Variants in MAGI2 observed in about 807,000 individuals in gnomAD.
MAGI2 encodes the protein membrane-associated guanylate kinase, WW and PDZ domain-containing protein 2.
Under a neutral mutation model 133.3 loss-of-function variants are expected in MAGI2, and 35 were observed. The ratio of observed to expected loss-of-function variants is 0.26; its 90% CI spans 0.20 to 0.35. The LOEUF (loss-of-function observed/expected upper bound fraction) is 0.35. Ranked by LOEUF, MAGI2 falls within the 10% of genes least tolerant of loss-of-function variation. The pLI, the probability that MAGI2 is intolerant of heterozygous loss-of-function variation, is 1.00. For missense variants in MAGI2, 1,636 were observed against 1,863.4 expected (o/e 0.88, Z 2.25); for synonymous variants, 729 against 710.6 (o/e 1.03, Z -0.41).
intron 1 of MAGI2, among the ~76,000 whole-genome samples, chr7:79,280,119 A>T (rs1251788789): frequency 6.6e-6 from 1 of 152,196 alleles, no homozygotes; most frequent in Non-Finnish European, 1.5e-5. Context: ...GGATGTTCAA[A>T]AATATAATAA....
At chr7:78,842,006 C>T (rs774866525) in intron 2 of MAGI2, among the ~76,000 whole-genome samples, 4 of 151,902 alleles carry the variant, frequency 2.6e-5, no homozygotes, top group African/African-American at 7.3e-5. Context: ...GATGAGCATA[C>T]GGCATATCAT....
chr7:78,337,594 A>C (rs1331793741), intron 9 of MAGI2, among the ~76,000 whole-genome samples: 2 of 152,224 alleles, frequency 1.3e-5, no homozygotes, highest in Non-Finnish European at 2.9e-5. Context: ...TTCAATGTCA[A>C]ATGAGACTGC....
intron 2 of MAGI2, among the ~76,000 whole-genome samples, chr7:78,676,797 G>A (rs750298986): frequency 2.0e-5 from 3 of 152,012 alleles, no homozygotes; most frequent in Admixed American, 2.0e-4. Context: ...TAGCATCAAT[G>A]CATTTTAATT....
intron 6 of MAGI2, among the ~76,000 whole-genome samples, chr7:78,372,189 C>T (rs1186451121): frequency 6.6e-6 from 1 of 152,040 alleles, no homozygotes; most frequent in Non-Finnish European, 1.5e-5. Context: ...AATGAAAAAA[C>T]ACAACTTTCA....
chr7:78,660,005 A>G (rs1017468981), intron 2 of MAGI2, among the ~76,000 whole-genome samples: 8 of 152,102 alleles, frequency 5.3e-5, no homozygotes, highest in Admixed American at 2.6e-4. Context: ...CATCATTCTC[A>G]GCAAACTATT....
intron 3 of MAGI2, among the ~76,000 whole-genome samples, chr7:78,529,934 G>A (rs1274199491): frequency 1.3e-5 from 2 of 151,716 alleles, no homozygotes; most frequent in Admixed American, 6.6e-5. Context: ...AAAAGTTACT[G>A]TAATATTTTA....
intron 2 of MAGI2, among the ~76,000 whole-genome samples, chr7:78,965,762 A>G (rs1210616313): frequency 6.6e-6 from 1 of 152,070 alleles, no homozygotes; most frequent in African/African-American, 2.4e-5. Context: ...CAATGATTCA[A>G]CCTGATTATT....
intron 9 of MAGI2, among the ~76,000 whole-genome samples, chr7:78,279,469 A>AGAGT (rs1795347866): frequency 6.6e-6 from 1 of 152,156 alleles, no homozygotes; most frequent in African/African-American, 2.4e-5. Flanking sequence ...AGTCAGGAAG[A>AGAGT]GAGTGAGTCC....
At position 78,599,781 on chromosome 7, in the gene MAGI2, C is replaced by G. The variant is rs538062808; in HGVS notation, c.538+27339G>C. On this transcript the variant is annotated intron_variant, in intron 3 of 21. Coordinates refer to ENST00000354212, the MANE Select transcript of MAGI2 (RefSeq NM_012301.4). ...TCTTGAGTCCTTCCCCAGCAAGGTA[C>G]TAGGGACGTGCCCAGAATGGTCAGG... is the stretch of plus-strand genomic sequence containing the variant. Among the ~76,000 whole-genome samples the G allele has an allele frequency of 6.1e-4, 93 of 152,284 alleles. 1 individual carries two copies. Among genetic ancestry groups the G allele is most frequent in the African/African-American group, 2.2e-3 (91 of 41,560 alleles).
Position 79,142,280 on chromosome 7 carries a change from TG to T in MAGI2, c.302-135075del, listed in dbSNP as rs569909035. Reference sequence around the variant, plus strand: ...TGATTGGTTCATGTTTTTACACCAGTGACTGTTACAATATCCCCTCTAATTA... The same window carrying T: ...TGATTGGTTCATGTTTTTACACCAGTACTGTTACAATATCCCCTCTAATTA... On this transcript the variant is annotated intron_variant, in intron 1 of 21. Transcript: ENST00000354212. Among the ~76,000 whole-genome samples, 437 of 152,332 alleles carry T rather than the reference TG, an allele frequency of 2.9e-3. 3 individuals carry two copies. Among genetic ancestry groups the T allele is most frequent in the African/African-American group, 0.01 (426 of 41,580 alleles).
chr7:78,229,557 G>C (rs1789743676), intron 10 of MAGI2, among the ~76,000 whole-genome samples: 1 of 152,206 alleles, frequency 6.6e-6, no homozygotes, highest in African/African-American at 2.4e-5. Context: ...CTATGGTGTG[G>C]CACTGTGCTA....
chr7:78,814,095 G>T (rs1206656643), intron 2 of MAGI2, among the ~76,000 whole-genome samples: 1 of 152,032 alleles, frequency 6.6e-6, no homozygotes, highest in Non-Finnish European at 1.5e-5. Context: ...TTAAGAGAGA[G>T]ATATATAAAA....
rs562427187 is a variant in MAGI2 at position 79,373,792 on chromosome 7, G to A, written c.301+79228C>T. ...AATAACACTGGCCTGTAAGATTGGCGGTCAGATGATAATGGGCATTCAAAT... is the reference window on the plus strand; with the variant it reads ...AATAACACTGGCCTGTAAGATTGGCAGTCAGATGATAATGGGCATTCAAAT... On this transcript the variant is annotated intron_variant, in intron 1 of 21. Transcript: ENST00000354212. Among the ~76,000 whole-genome samples, 9 of 152,052 alleles carry A rather than the reference G, an allele frequency of 5.9e-5. No individual in the cohort carries two copies. In the South Asian group the frequency reaches 8.3e-4, roughly 14 times the overall value.
chr7:78,983,259 G>A (rs1006802496), intron 2 of MAGI2, among the ~76,000 whole-genome samples: 5 of 151,934 alleles, frequency 3.3e-5, no homozygotes, highest in Admixed American at 3.3e-4. Flanking sequence ...AAAAGGAAAA[G>A]TGTCAGGAAT....
rs1323898647 is a variant in MAGI2, at chr7:79,072,512, A to G, written c.302-65306T>C. 2.6e-5 allele frequency among the ~76,000 whole-genome samples: 4 copies of G among 152,318 alleles called. No homozygotes were observed. The East Asian group carries it at 5.8e-4, about 22-fold the overall frequency. ...TGAATTTTCCTTTCTAATTTCTGGT[A>G]GGAAGACTACTATGTGGTTGATGTA... is the stretch of plus-strand genomic sequence containing the variant. On this transcript the variant is annotated intron_variant, in intron 1 of 21. Coordinates refer to ENST00000354212, the MANE Select transcript of MAGI2 (RefSeq NM_012301.4).
At chr7:78,208,155 T>TTTTTTTAA in intron 10 of MAGI2, among the ~76,000 whole-genome samples, 1 of 145,250 alleles carries the variant, frequency 6.9e-6, no homozygotes, top group Non-Finnish European at 1.5e-5. Flanking sequence ...TTTTTTTTTT[T>TTTTTTTAA]AATATGGGGA....
chr7:79,149,566 T>C (rs965685081), intron 1 of MAGI2, among the ~76,000 whole-genome samples: 3 of 152,110 alleles, frequency 2.0e-5, no homozygotes, highest in Non-Finnish European at 2.9e-5. Context: ...GACTGAGCAT[T>C]GAAGGAAATT....
intron 1 of MAGI2, among the ~76,000 whole-genome samples, chr7:79,051,877 C>G (rs937030849): frequency 2.0e-5 from 3 of 151,952 alleles, no homozygotes; most frequent in African/African-American, 7.2e-5. Flanking sequence ...GTAGTTTTCT[C>G]TTTCTATTTG....
At chr7:78,621,211 C>A (rs1807699752) in intron 3 of MAGI2, 1 of 151,884 alleles carries the variant, frequency 6.6e-6, no homozygotes, top group Non-Finnish European at 1.5e-5. Context: ...CTCACCTTTA[C>A]CTGCAGGTGA....
Sources: gnomAD v4.1 joint callset for allele counts (sites outside exome capture counted in the v4.1 genomes callset) on GRCh38, gnomAD v4.1.1 for gene constraint, MANE v1.5 for transcripts, NCBI Gene and HGNC (gene_info 2026-07-23, HGNC 2026-07-21) for gene names.